PACRG: variants seen among roughly 807,000 people sequenced by gnomAD.
The protein encoded by PACRG is parkin coregulated.
In PACRG, 29 loss-of-function variants were observed where a neutral mutation model predicts 29.7. The ratio of observed to expected loss-of-function variants is 0.98; its 90% CI spans 0.73 to 1.33. PACRG has a LOEUF of 1.33. Among genes scored for constraint, PACRG ranks in the 40% most tolerant of loss-of-function variants. The pLI, the probability that PACRG is intolerant of heterozygous loss-of-function variation, is 0.00. For missense variants in PACRG, 279 were observed against 316.2 expected (o/e 0.88, Z 0.89); for synonymous variants, 116 against 118.7 (o/e 0.98, Z 0.15).
intron 4 of PACRG, among the ~76,000 whole-genome samples, chr6:163,181,942 C>G (rs1779696295): frequency 6.6e-6 from 1 of 152,188 alleles, no homozygotes; most frequent in Non-Finnish European, 1.5e-5. Context: ...GCAGCTTTGT[C>G]ATTGACCGTT....
chr6:163,087,255 C>T (rs905756407), intron 3 of PACRG, among the ~76,000 whole-genome samples: 47 of 150,104 alleles, frequency 3.1e-4, no homozygotes, highest in African/African-American at 1.1e-3. Flanking sequence ...GAGACTGGGA[C>T]CAGAGAAGAG....
intron 4 of PACRG, among the ~76,000 whole-genome samples, chr6:163,295,175 T>C (rs780457358): frequency 1.1e-4 from 16 of 152,254 alleles, no homozygotes; most frequent in Non-Finnish European, 1.6e-4. Flanking sequence ...CAACGTTATC[T>C]GGTTCATTAT....
chr6:163,120,943 A>G (rs1383802894), intron 4 of PACRG, among the ~76,000 whole-genome samples: 2 of 152,246 alleles, frequency 1.3e-5, no homozygotes, highest in Non-Finnish European at 2.9e-5. Context: ...GCCAGGAAGC[A>G]TCTGACCATG....
At chr6:163,121,228 T>C (rs563496987) in intron 4 of PACRG, among the ~76,000 whole-genome samples, 1 of 152,364 alleles carries the variant, frequency 6.6e-6, no homozygotes, top group East Asian at 1.9e-4. Flanking sequence ...ACAAATATTA[T>C]AAAGGACCTT....
intron 4 of PACRG, among the ~76,000 whole-genome samples, chr6:163,166,559 G>A (rs1400501769): frequency 6.6e-6 from 1 of 152,158 alleles, no homozygotes; most frequent in Non-Finnish European, 1.5e-5. Context: ...AGCGTCTAAT[G>A]GATCCCACTT....
At chr6:162,885,774 G>A (rs1005096170) in intron 2 of PACRG, among the ~76,000 whole-genome samples, 88 of 149,920 alleles carry the variant, frequency 5.9e-4, no homozygotes, top group African/African-American at 1.7e-3. Flanking sequence ...ACGTGCATGT[G>A]TGTGTGTGTG....
intron 2 of PACRG, among the ~76,000 whole-genome samples, chr6:162,820,343 GA>G (rs1787737683): frequency 6.6e-6 from 1 of 151,874 alleles, no homozygotes. Context: ...TGGTATTCAG[GA>G]ACTATAAAAA....
chr6:163,119,537 G>A (rs78585097), intron 4 of PACRG, among the ~76,000 whole-genome samples: 1,972 of 152,268 alleles, frequency 0.013, 21 homozygotes, highest in African/African-American at 0.039. Flanking sequence ...ACAGCTCAAC[G>A]TCATGCAGGA....
At chr6:163,142,132 TA>T (rs1253758439) in intron 4 of PACRG, among the ~76,000 whole-genome samples, 1 of 152,050 alleles carries the variant, frequency 6.6e-6, no homozygotes, top group Non-Finnish European at 1.5e-5. Context: ...TGGATGAAAA[TA>T]AATGTAGACC....
intron 4 of PACRG, among the ~76,000 whole-genome samples, chr6:163,207,628 G>T (rs952540107): frequency 2.0e-5 from 3 of 152,146 alleles, no homozygotes; most frequent in Non-Finnish European, 2.9e-5. Flanking sequence ...ATGCTTGAGG[G>T]AGCTGCTCTT....
chr6:162,957,274 A>G (rs1562777334), intron 2 of PACRG: 1 of 535,132 alleles, frequency 1.9e-6, no homozygotes, highest in Non-Finnish European at 3.6e-6. Flanking sequence ...CACTTTCACA[A>G]TGATTTTCTG....
intron 1 of PACRG, among the ~76,000 whole-genome samples, chr6:162,729,815 T>G (rs1218992674): frequency 6.6e-6 from 1 of 152,060 alleles, no homozygotes; most frequent in Non-Finnish European, 1.5e-5. Flanking sequence ...CCTAAAGAGA[T>G]AGTTCTGCAA....
intron 4 of PACRG, among the ~76,000 whole-genome samples, chr6:163,118,517 C>T (rs1282973449): frequency 2.0e-5 from 3 of 152,176 alleles, no homozygotes; most frequent in African/African-American, 7.2e-5. Flanking sequence ...TATAGATCCC[C>T]GTTTCTGGGT....
chr6:163,125,371 A>G (rs1295006683), intron 4 of PACRG, among the ~76,000 whole-genome samples: 1 of 152,224 alleles, frequency 6.6e-6, no homozygotes, highest in Non-Finnish European at 1.5e-5. Flanking sequence ...AACAGGTTCT[A>G]GGAAGTATAA....
At chr6:163,072,752 C>T (rs565111708) in intron 3 of PACRG, among the ~76,000 whole-genome samples, 9 of 152,146 alleles carry the variant, frequency 5.9e-5, no homozygotes, top group South Asian at 2.1e-4. Flanking sequence ...TAAACAAATT[C>T]GTAAAGTAGC....
chr6:163,057,859 A>G (rs1810730658), intron 2 of PACRG, among the ~76,000 whole-genome samples: 1 of 152,240 alleles, frequency 6.6e-6, no homozygotes, highest in South Asian at 2.1e-4. Flanking sequence ...TAAGAGAACC[A>G]TTTAGACAAG....
At chr6:163,121,507 C>T (rs1816267183) in intron 4 of PACRG, among the ~76,000 whole-genome samples, 1 of 152,122 alleles carries the variant, frequency 6.6e-6, no homozygotes, top group Non-Finnish European at 1.5e-5. Flanking sequence ...CTGTCACTTC[C>T]AGCCGATCCA....
At chr6:162,866,178 G>A (rs955487026) in intron 2 of PACRG, among the ~76,000 whole-genome samples, 3 of 152,106 alleles carry the variant, frequency 2.0e-5, no homozygotes, top group Non-Finnish European at 4.4e-5. Context: ...TAATCAAATG[G>A]ATTAACAAAT....
intron 1 of PACRG, among the ~76,000 whole-genome samples, chr6:162,761,733 C>A (rs1782373271): frequency 6.6e-6 from 1 of 151,582 alleles, no homozygotes; most frequent in African/African-American, 2.4e-5. Flanking sequence ...GGTCAAGAGA[C>A]CAAGACCATC....
Sources: gnomAD v4.1 joint callset for allele counts (sites outside exome capture counted in the v4.1 genomes callset) on GRCh38, gnomAD v4.1.1 for gene constraint, MANE v1.5 for transcripts, NCBI Gene and HGNC (gene_info 2026-07-23, HGNC 2026-07-21) for gene names.